Variants in WDR70 observed in about 807,000 individuals in gnomAD.
WDR70 encodes the protein WD repeat domain 70.
Under a neutral mutation model 88.6 loss-of-function variants are expected in WDR70, and 53 were observed. That is an observed-to-expected ratio of 0.60 (90% CI 0.48 to 0.75). WDR70 has a LOEUF of 0.75. WDR70 is among the 30% of genes least tolerant of loss of function. The probability of loss-of-function intolerance (pLI) is 0.00; values close to 1 mark genes in which losing one functional copy is unlikely to be tolerated. For missense variants in WDR70, 610 were observed against 823.2 expected (o/e 0.74, Z 3.17); for synonymous variants, 280 against 270.0 (o/e 1.04, Z -0.36).
At chr5:37,679,213 A>G (rs935195853) in intron 10 of WDR70, among the ~76,000 whole-genome samples, 1 of 152,024 alleles carries the variant, frequency 6.6e-6, no homozygotes, top group Admixed American at 6.5e-5. Context: ...TGATCGTCTG[A>G]AGCCTTCTTC....
chr5:37,735,654 C>T (rs747051983), intron 17 of WDR70, among the ~76,000 whole-genome samples: 3 of 152,268 alleles, frequency 2.0e-5, no homozygotes, highest in South Asian at 4.1e-4. Flanking sequence ...TGCTATTTCT[C>T]CTGTGTTCAC....
chr5:37,670,079 G>A (rs1406242159), intron 10 of WDR70, among the ~76,000 whole-genome samples: 2 of 152,138 alleles, frequency 1.3e-5, no homozygotes, highest in East Asian at 1.9e-4. Context: ...GGGGTAGTGC[G>A]AGGTTCTAAA....
intron 17 of WDR70, among the ~76,000 whole-genome samples, chr5:37,748,767 CAAGAAGAA>C (rs746369054): frequency 6.6e-6 from 1 of 151,958 alleles, no homozygotes; most frequent in Non-Finnish European, 1.5e-5. Context: ...AACATATTTA[CAAGAAGAA>C]AACCCATCAA....
chr5:37,401,027 G>T (rs1022401775), intron 5 of WDR70, among the ~76,000 whole-genome samples: 14 of 151,944 alleles, frequency 9.2e-5, no homozygotes, highest in African/African-American at 3.1e-4. Context: ...TTGAGATGGG[G>T]TCTCTCTGTC....
At chr5:37,383,133 CGTT>C (rs1748485712) in intron 3 of WDR70, among the ~76,000 whole-genome samples, 2 of 151,738 alleles carry the variant, frequency 1.3e-5, no homozygotes, top group African/African-American at 4.8e-5. Context: ...AAAAATAAAA[CGTT>C]GTACAGCAGC....
rs1481522894 is a variant in WDR70 at position 37,605,226 on chromosome 5, C to T, written c.1080C>T (p.Asp360=). ...ACQNGSIQIW[D]RNLTVHPKFH... ...AGAATGGAAGCATACAGATCTGGGA[C>T]CGAAATTTGACTGTAAGTTAAATCT... The change falls in exon 10 of 18, where the codon GAC becomes GAT. Residue 360 remains aspartate (D), a synonymous_variant. Transcript: ENST00000265107. 2 of 1,592,700 alleles carry T rather than the reference C, an allele frequency of 1.3e-6. No individual in the cohort carries two copies. The highest frequency in any genetic ancestry group is 2.3e-5 in the South Asian group (2 of 86,026).
intron 5 of WDR70, among the ~76,000 whole-genome samples, chr5:37,416,522 T>TGGGGAG (rs1265917739): frequency 7.3e-6 from 1 of 137,714 alleles, no homozygotes. Context: ...AGGGAGATCG[T>TGGGGAG]GGGGAGAGGG....
chr5:37,604,669 A>G (rs921958281), intron 9 of WDR70, among the ~76,000 whole-genome samples: 1 of 152,240 alleles, frequency 6.6e-6, no homozygotes, highest in Non-Finnish European at 1.5e-5. Flanking sequence ...TGTATGTTAA[A>G]AACAGTGCAT....
intron 17 of WDR70, 48 bp downstream of exon 17, chr5:37,727,093 T>C (rs774394973): frequency 8.3e-6 from 13 of 1,572,302 alleles, no homozygotes; most frequent in Middle Eastern, 1.7e-4. Flanking sequence ...GTTTAATGAA[T>C]TGGGGAGAAC....
chr5:37,652,387 T>C (rs1205352909), intron 10 of WDR70, among the ~76,000 whole-genome samples: 1 of 152,246 alleles, frequency 6.6e-6, no homozygotes, highest in African/African-American at 2.4e-5. Context: ...CCTCCAGCTT[T>C]GTTCTTTTTG....
intron 10 of WDR70, among the ~76,000 whole-genome samples, chr5:37,626,748 G>A (rs565106553): frequency 6.6e-6 from 1 of 152,152 alleles, no homozygotes; most frequent in South Asian, 2.1e-4. Flanking sequence ...GTCTGGTTTT[G>A]GACTTTTTTG....
At chr5:37,641,931 G>A (rs193092386) in intron 10 of WDR70, among the ~76,000 whole-genome samples, 12 of 152,250 alleles carry the variant, frequency 7.9e-5, no homozygotes, top group Admixed American at 7.8e-4. Flanking sequence ...AGAGTTGATG[G>A]GTTTGGGGTT....
Position 37,514,356 on chromosome 5 carries a change from A to ATATATATG in WDR70, c.841-2155_841-2154insATATGTAT, listed in dbSNP as rs771375976. Among the ~76,000 whole-genome samples, 5 of 54,416 alleles carry ATATATATG rather than the reference A, an allele frequency of 9.2e-5. 1 individual carries two copies. Among genetic ancestry groups the ATATATATG allele is most frequent in the South Asian group, 2.4e-3 (2 of 848 alleles). 35.7% of individuals were successfully genotyped at this position (54,416 alleles called of 152,430 possible). A position where few individuals can be genotyped will look rare whatever the true frequency, so the allele number is the denominator to read the frequency against. The stretch of plus-strand genomic sequence containing the variant: ...TAGAACTACATATATATATATATAT[A>ATATATATG]TATGTATGTATGTATGTTTATGTAT... On this transcript the variant is annotated intron_variant, in intron 8 of 17. Coordinates refer to ENST00000265107, the MANE Select transcript of WDR70 (RefSeq NM_018034.4).
chr5:37,522,704 A>G (rs969264463), intron 9 of WDR70, among the ~76,000 whole-genome samples: 2 of 152,172 alleles, frequency 1.3e-5, no homozygotes, highest in Admixed American at 1.3e-4. Context: ...TGGGAAGCAC[A>G]AGGGGTCAGG....
intron 7 of WDR70, among the ~76,000 whole-genome samples, chr5:37,471,940 G>A (rs1470007488): frequency 6.6e-6 from 1 of 151,816 alleles, no homozygotes; most frequent in Non-Finnish European, 1.5e-5. Context: ...ATGTTGAATA[G>A]AAGTGTTGAA....
At chr5:37,524,892 A>G (rs1224936369) in intron 9 of WDR70, among the ~76,000 whole-genome samples, 3 of 152,248 alleles carry the variant, frequency 2.0e-5, no homozygotes, top group Non-Finnish European at 2.9e-5. Flanking sequence ...AGGCCATTAC[A>G]TAATGGTAAA....
chr5:37,708,598 T>C (rs1363013637), intron 13 of WDR70, among the ~76,000 whole-genome samples: 1 of 152,128 alleles, frequency 6.6e-6, no homozygotes, highest in Non-Finnish European at 1.5e-5. Flanking sequence ...TCAGAGAGAT[T>C]GAAGAGGAAG....
intron 7 of WDR70, among the ~76,000 whole-genome samples, chr5:37,448,233 G>A (rs1396758344): frequency 1.3e-5 from 2 of 152,084 alleles, no homozygotes; most frequent in African/African-American, 4.8e-5. Context: ...GTCCTTGATT[G>A]CTGTATAATT....
chr5:37,725,112 A>T, intron 16 of WDR70, 62 bp downstream of exon 16: 1 of 1,446,294 alleles, frequency 6.9e-7, no homozygotes. Flanking sequence ...GGTAATTGAT[A>T]TAAAATTGGG....
Sources: allele counts gnomAD v4.1 joint callset (sites outside exome capture counted in the v4.1 genomes callset), GRCh38; gene constraint gnomAD v4.1.1; transcripts MANE v1.5; gene names NCBI Gene and HGNC (gene_info 2026-07-23, HGNC 2026-07-21).